Variants in PTK2B observed in about 807,000 individuals in gnomAD.
The protein encoded by PTK2B is protein tyrosine kinase 2 beta.
Under a neutral mutation model 142.9 loss-of-function variants are expected in PTK2B, and 71 were observed. The ratio of observed to expected loss-of-function variants is 0.50; its 90% CI spans 0.41 to 0.61. The LOEUF is 0.61. PTK2B is among the 20% of genes least tolerant of loss of function. PTK2B has a pLI of 0.00. For missense variants in PTK2B, 1,105 were observed against 1,320.4 expected (o/e 0.84, Z 2.53); for synonymous variants, 519 against 503.4 (o/e 1.03, Z -0.42).
At chr8:27,352,365 C>G (rs1478414040) in intron 1 of PTK2B, among the ~76,000 whole-genome samples, 1 of 152,162 alleles carries the variant, frequency 6.6e-6, no homozygotes, top group Non-Finnish European at 1.5e-5. Flanking sequence ...AACATGTGTT[C>G]CTGCAAAAAA....
chr8:27,440,854 A>G (rs1252829918), intron 21 of PTK2B, among the ~76,000 whole-genome samples: 2 of 152,124 alleles, frequency 1.3e-5, no homozygotes, highest in East Asian at 3.9e-4. Context: ...TGTTTTCAAG[A>G]CTATGACCCA....
At chr8:27,334,148 C>A (rs1803921324) in intron 1 of PTK2B, among the ~76,000 whole-genome samples, 1 of 152,092 alleles carries the variant, frequency 6.6e-6, no homozygotes, top group South Asian at 2.1e-4. Context: ...CTTCCCGTTT[C>A]TATGGCCCCT....
intron 3 of PTK2B, 112 bp downstream of exon 3, chr8:27,420,185 C>A: frequency 1.6e-6 from 2 of 1,271,626 alleles, no homozygotes; most frequent in South Asian, 1.4e-5. Context: ...TTCTAGCAAA[C>A]CTGAGTGGCA....
chr8:27,355,720 A>G (rs187773596), intron 1 of PTK2B, among the ~76,000 whole-genome samples: 1 of 152,314 alleles, frequency 6.6e-6, no homozygotes, highest in East Asian at 1.9e-4. Context: ...GTAGAAATAC[A>G]CTTATATATT....
chr8:27,367,617 G>T (rs959034621), intron 1 of PTK2B, among the ~76,000 whole-genome samples: 1 of 152,192 alleles, frequency 6.6e-6, no homozygotes, highest in African/African-American at 2.4e-5. Flanking sequence ...CAGAGGCTGG[G>T]TAATTCATAA....
chr8:27,455,800 T>A (rs192292251), intron 30 of PTK2B, among the ~76,000 whole-genome samples: 17 of 152,390 alleles, frequency 1.1e-4, no homozygotes, highest in African/African-American at 3.8e-4. Context: ...TTTGCGCCAC[T>A]AAATTTCTGG....
At chr8:27,344,055 G>A (rs1700055773) in intron 1 of PTK2B, among the ~76,000 whole-genome samples, 1 of 152,084 alleles carries the variant, frequency 6.6e-6, no homozygotes, top group South Asian at 2.1e-4. Context: ...CATCAGTGCT[G>A]TAACTAAAGG....
chr8:27,405,990 A>G (rs1808690924), intron 2 of PTK2B, among the ~76,000 whole-genome samples: 1 of 152,350 alleles, frequency 6.6e-6, no homozygotes, highest in African/African-American at 2.4e-5. Context: ...TACAATAGAA[A>G]TGATTCTCTC....
At chr8:27,407,188 A>G (rs1563259455) in intron 2 of PTK2B, among the ~76,000 whole-genome samples, 1 of 152,130 alleles carries the variant, frequency 6.6e-6, no homozygotes, top group East Asian at 1.9e-4. Context: ...CCTTTTGTTA[A>G]CCTTTTCAGC....
chr8:27,435,062 C>T (rs955932220), intron 13 of PTK2B, among the ~76,000 whole-genome samples: 1 of 152,142 alleles, frequency 6.6e-6, no homozygotes, highest in African/African-American at 2.4e-5. Flanking sequence ...ATGGCTTAAG[C>T]AGCTTGGGCT....
Position 27,453,046 on chromosome 8 carries a change from C to T in PTK2B, c.2549-68C>T, listed in dbSNP as rs980606054. On this transcript the variant is annotated intron_variant, in intron 27 of 30. Transcript: ENST00000346049. ...AGAGGGGAAGGGGCTCATTTGATGT[C>T]AGCAGGTACGAAGGGAAGGGTTGGA... 5.7e-6 allele frequency: 9 copies of T among 1,568,588 alleles called. No individual in the cohort carries two copies. In the Admixed American group the frequency reaches 1.0e-4, roughly 18 times the overall value.
intron 1 of PTK2B, among the ~76,000 whole-genome samples, chr8:27,361,893 C>T (rs1430940151): frequency 6.6e-6 from 1 of 152,192 alleles, no homozygotes; most frequent in Non-Finnish European, 1.5e-5. Context: ...TGCAGACAGC[C>T]TCCCTCAGGA....
upstream of PTK2B, chr8:27,311,011 G>A: frequency 6.2e-7 from 1 of 1,611,026 alleles, no homozygotes; most frequent in South Asian, 1.1e-5. Flanking sequence ...CCAGGTTGTT[G>A]AGGGTGTGGT....
chr8:27,379,042 G>A (rs1187068190), intron 1 of PTK2B, among the ~76,000 whole-genome samples: 1 of 152,128 alleles, frequency 6.6e-6, no homozygotes, highest in Non-Finnish European at 1.5e-5. Flanking sequence ...CCAGGATTCA[G>A]GATTCTGACT....
In PTK2B at chr8:27,444,146, G is replaced by A. The variant is rs375604808; in HGVS notation, c.2149-60G>A. The stretch of plus-strand genomic sequence containing the variant: ...TGTCTTTGACCTGATGTTCCCCTTG[G>A]TGAGTTGTGTTCACTCAAGGAGAGG... On this transcript the variant is annotated intron_variant, in intron 22 of 30. Coordinates refer to ENST00000346049, the MANE Select transcript of PTK2B (RefSeq NM_173176.3). 274 of 1,504,724 alleles carry A rather than the reference G, an allele frequency of 1.8e-4. No homozygotes were observed. The African/African-American group carries it at 3.3e-3, about 18-fold the overall frequency. 93.2% of individuals were successfully genotyped at this position (1,504,724 alleles called of 1,614,324 possible).
rs146271837 is a variant in PTK2B at position 27,381,124 on chromosome 8, C to A, written c.-37-16424C>A. On this transcript the variant is annotated intron_variant, in intron 1 of 30. Coordinates refer to ENST00000346049, the MANE Select transcript of PTK2B (RefSeq NM_173176.3). ...AATGATATTTGAATACATGTATACT[C>A]TGTGTAATAATCAAATCAGAGTAAT... is the stretch of plus-strand genomic sequence containing the variant. 6.9e-3 allele frequency among the ~76,000 whole-genome samples: 1,044 copies of A among 152,208 alleles called. 13 individuals are homozygous for A. Among genetic ancestry groups the A allele is most frequent in the African/African-American group, 0.024 (1,002 of 41,492 alleles).
intron 2 of PTK2B, among the ~76,000 whole-genome samples, chr8:27,415,813 T>A (rs2131739032): frequency 6.6e-6 from 1 of 152,248 alleles, no homozygotes; most frequent in African/African-American, 2.4e-5. Flanking sequence ...TACTTAGAAA[T>A]AAATTTAACA....
In PTK2B at chr8:27,421,857, G is replaced by A. The variant is rs11779685; in HGVS notation, c.472-447G>A. On this transcript the variant is annotated intron_variant, in intron 4 of 30. Transcript: ENST00000346049. ...AGAGCAAAGCGCAGCATCAGCAGGA[G>A]TGGCCATTGCTGTTTTCTGTCTGAT... Among the ~76,000 whole-genome samples the A allele has an allele frequency of 3.1e-3, 468 of 152,362 alleles. 3 individuals are homozygous for A. Among genetic ancestry groups the A allele is most frequent in the Non-Finnish European group, 5.2e-3 (355 of 68,038 alleles).
chr8:27,403,051 G>A (rs1808475405), intron 2 of PTK2B, among the ~76,000 whole-genome samples: 2 of 152,290 alleles, frequency 1.3e-5, no homozygotes, highest in African/African-American at 4.8e-5. Context: ...CCTTGTCTGG[G>A]ACCCTCTTGG....
Sources: allele counts gnomAD v4.1 joint callset (sites outside exome capture counted in the v4.1 genomes callset), GRCh38; gene constraint gnomAD v4.1.1; transcripts MANE v1.5; gene names NCBI Gene and HGNC (gene_info 2026-07-23, HGNC 2026-07-21).